Variants in SNUPN observed in about 807,000 individuals in gnomAD.
SNUPN encodes snurportin 1.
In SNUPN, 31 loss-of-function variants were observed where a neutral mutation model predicts 39.2. The observed-to-expected ratio is 0.79, with a 90% CI of 0.59 to 1.07. The LOEUF is 1.07. Ranked by LOEUF, SNUPN falls within the 50% of genes least tolerant of loss-of-function variation. SNUPN has a pLI of 0.00. For missense variants in SNUPN, 382 were observed against 434.2 expected (o/e 0.88, Z 1.07); for synonymous variants, 132 against 159.0 (o/e 0.83, Z 1.28).
chr15:75,609,583 G>A lies in SNUPN; in HGVS notation c.477C>T (p.Gly159=). The A allele has an allele frequency of 6.2e-7, 1 of 1,613,952 alleles. No homozygotes were observed. The highest frequency in any genetic ancestry group is 8.5e-7 in the Non-Finnish European group (1 of 1,179,826). ...CTTTTGCTGTTGAGTTTCGCCTGTT[G>A]CCTCCTGGCAGAAGTGAAGAAAACC... ...VNRFSSLLPG[G]NRRNSTAKDY... Residue 159 remains glycine, a synonymous_variant, in exon 5 of 9, where the codon GGC becomes GGT. Coordinates refer to ENST00000308588, the MANE Select transcript of SNUPN (RefSeq NM_005701.4).
intron 8 of SNUPN, among the ~76,000 whole-genome samples, chr15:75,600,405 G>A (rs1285714785): frequency 6.6e-6 from 1 of 152,022 alleles, no homozygotes; most frequent in Non-Finnish European, 1.5e-5. Context: ...CTCCCGAGTA[G>A]CTGGGATTAC....
intron 6 of SNUPN, among the ~76,000 whole-genome samples, chr15:75,605,579 T>G (rs996305630): frequency 6.6e-6 from 1 of 152,100 alleles, no homozygotes. Flanking sequence ...GGATTACAGG[T>G]GTGAGCCACT....
In SNUPN at chr15:75,598,542, T is replaced by G; in HGVS notation, c.899A>C (p.Asp300Ala). ...VPAGPLTTKP[D>A]YAGHQLQQIM... ...CTGCTGGAGCTGGTGCCCAGCATAG[T>G]CTGGCTTGGTGGTCAGCGGGCCAGC... is the stretch of plus-strand genomic sequence containing the variant. Residue 300 changes from aspartate to alanine, a missense_variant, in exon 9 of 9, where the codon GAC becomes GCC. By Grantham distance (126) the Asp-to-Ala change is moderately radical (BLOSUM62 -2). Transcript: ENST00000308588. The G allele has an allele frequency of 6.2e-7, 1 of 1,614,210 alleles. No individual in the cohort carries two copies. Among genetic ancestry groups the G allele is most frequent in the Non-Finnish European group, 8.5e-7 (1 of 1,180,034 alleles).
At chr15:75,621,419 C>T (rs750918089) in intron 1 of SNUPN, among the ~76,000 whole-genome samples, 4 of 152,006 alleles carry the variant, frequency 2.6e-5, no homozygotes, top group African/African-American at 9.7e-5. Context: ...CACCACCACA[C>T]CCAGCCAATT....
At chr15:75,613,849 A>G (rs918202507) in intron 3 of SNUPN, among the ~76,000 whole-genome samples, 9 of 152,170 alleles carry the variant, frequency 5.9e-5, no homozygotes, top group African/African-American at 2.2e-4. Context: ...AAAGTAGTGG[A>G]GTCACTTTGG....
At position 75,608,971 on chromosome 15, in the gene SNUPN, C is replaced by G. The variant is rs554656685; in HGVS notation, c.502+587G>C. Among the ~76,000 whole-genome samples the G allele has an allele frequency of 7.2e-5, 11 of 152,002 alleles. No homozygotes were observed. In the South Asian group the frequency reaches 2.3e-3, roughly 31 times the overall value. On this transcript the variant is annotated intron_variant, in intron 5 of 8. Transcript: ENST00000308588. ...CCTGGCCAAAATGGTGAAATCCAGTCTCTACTAAAAGTACAAAAATTAGCC... is the reference window on the plus strand; with the variant it reads ...CCTGGCCAAAATGGTGAAATCCAGTGTCTACTAAAAGTACAAAAATTAGCC...
Position 75,609,902 on chromosome 15 carries a change from G to A in SNUPN, c.396C>T (p.Ile132=), listed in dbSNP as rs767173646. The A allele has an allele frequency of 2.7e-5, 43 of 1,613,816 alleles. No individual in the cohort carries two copies. The Admixed American group carries it at 6.3e-4, about 24-fold the overall frequency. ...GGCAGCTACTCACCCTGGAGGCCAC[G>A]ATAAGGGCTCTTTTTCCAACAGGGC... ...VVCPVGKRAL[I]VASRGSTSAY... is the part of the protein sequence containing the mutation. Residue 132 remains isoleucine, a synonymous_variant, in exon 4 of 9, where the codon ATC becomes ATT. Transcript: ENST00000308588.
intron 2 of SNUPN, among the ~76,000 whole-genome samples, chr15:75,620,547 A>G (rs947871177): frequency 1.3e-5 from 2 of 152,194 alleles, no homozygotes; most frequent in Non-Finnish European, 2.9e-5. Context: ...AGCCAAACAC[A>G]AGCATCCCAG....
At chr15:75,614,070 A>G (rs1892866981) in intron 3 of SNUPN, among the ~76,000 whole-genome samples, 1 of 152,136 alleles carries the variant, frequency 6.6e-6, no homozygotes, top group African/African-American at 2.4e-5. Flanking sequence ...CAGGTGGATC[A>G]GCTCAGGTCA....
intron 3 of SNUPN, among the ~76,000 whole-genome samples, chr15:75,614,588 A>G (rs1336424478): frequency 6.6e-6 from 1 of 152,164 alleles, no homozygotes; most frequent in Non-Finnish European, 1.5e-5. Context: ...AAGTAGATTA[A>G]TGATTAGGGG....
intron 1 of SNUPN, among the ~76,000 whole-genome samples, chr15:75,622,712 C>T (rs1893102021): frequency 6.6e-6 from 1 of 152,232 alleles, no homozygotes; most frequent in African/African-American, 2.4e-5. Flanking sequence ...AGGTTCATTC[C>T]AGAGCCTCTA....
rs899292008 is a variant in SNUPN at position 75,625,691 on chromosome 15, G to T, written c.-31C>A. 4.0e-5 allele frequency: 6 copies of T among 151,356 alleles called. No homozygotes were observed. Among genetic ancestry groups the T allele is most frequent in the African/African-American group, 1.5e-4 (6 of 41,070 alleles). The allele number at this position is 151,356 out of a possible 1,614,324, so 9.4% of individuals were successfully genotyped here. A position where few individuals can be genotyped will look rare whatever the true frequency, so the allele number is the denominator to read the frequency against. On this transcript the variant is annotated 5_prime_UTR_variant, in exon 1 of 9. Transcript: ENST00000308588. ...CCAAACCGAGGTGACCGTCGCACGC[G>T]CCGCCGCCACCGGGGCCGACGAATC...
chr15:75,621,744 A>C (rs1230034422), intron 1 of SNUPN, among the ~76,000 whole-genome samples: 1 of 152,276 alleles, frequency 6.6e-6, no homozygotes, highest in Admixed American at 6.5e-5. Flanking sequence ...AAGCAATCAA[A>C]AACCCCAAAC....
At chr15:75,624,419 G>A (rs1893162465) in intron 1 of SNUPN, among the ~76,000 whole-genome samples, 1 of 149,394 alleles carries the variant, frequency 6.7e-6, no homozygotes, top group Non-Finnish European at 1.5e-5. Context: ...AGCACTTTGG[G>A]AGGTTGAAGC....
chr15:75,611,979 T>C (rs1892793445), intron 3 of SNUPN, among the ~76,000 whole-genome samples: 1 of 152,008 alleles, frequency 6.6e-6, no homozygotes, highest in South Asian at 2.1e-4. Context: ...CCAGATTTCC[T>C]ACCCCACAGT....
intron 8 of SNUPN, among the ~76,000 whole-genome samples, chr15:75,599,556 A>G (rs1044168682): frequency 1.3e-5 from 2 of 152,128 alleles, no homozygotes; most frequent in African/African-American, 2.4e-5. Context: ...ACCTCCCCCT[A>G]AATTGTTTGT....
chr15:75,603,617 C>A (rs1231567286), intron 7 of SNUPN, among the ~76,000 whole-genome samples: 3 of 148,312 alleles, frequency 2.0e-5, no homozygotes, highest in Non-Finnish European at 4.5e-5. Flanking sequence ...GCCGAGATCA[C>A]GCCACTGCAC....
rs1364283936 is a variant in SNUPN at position 75,607,316 on chromosome 15, G to A, written c.503-3C>T. On this transcript the variant is annotated splice_region_variant and splice_polypyrimidine_tract_variant and intron_variant, in intron 5 of 8. Transcript: ENST00000308588. Reference sequence around the variant, plus strand: ...AATGCAATCTAGAATGGTGTAGTCTGAGGACACAAAGCAGAAAGTCAGCAC... The same window carrying A: ...AATGCAATCTAGAATGGTGTAGTCTAAGGACACAAAGCAGAAAGTCAGCAC... 5.6e-6 allele frequency: 9 copies of A among 1,598,614 alleles called. No individual in the cohort carries two copies. Among genetic ancestry groups the A allele is most frequent in the Non-Finnish European group, 7.7e-6 (9 of 1,166,150 alleles).
rs773379439 is a variant in SNUPN at position 75,617,555 on chromosome 15, G to T, written c.159-3C>A. 19 of 1,594,546 alleles carry T rather than the reference G, an allele frequency of 1.2e-5. No homozygotes were observed. Among genetic ancestry groups the T allele is most frequent in the Non-Finnish European group, 1.4e-5 (16 of 1,174,778 alleles). Reference sequence around the variant, plus strand: ...GGTTCACATAATCCAGCCGCTTGCTGGAAGGAAAAAAAAGGCATAAGGACA... The same window carrying T: ...GGTTCACATAATCCAGCCGCTTGCTTGAAGGAAAAAAAAGGCATAAGGACA... On this transcript the variant is annotated splice_polypyrimidine_tract_variant and splice_region_variant and intron_variant, in intron 2 of 8. Transcript: ENST00000308588.
Sources: gnomAD v4.1 joint callset for allele counts (sites outside exome capture counted in the v4.1 genomes callset) on GRCh38, gnomAD v4.1.1 for gene constraint, MANE v1.5 for transcripts, NCBI Gene and HGNC (gene_info 2026-07-23, HGNC 2026-07-21) for gene names.